The following MTA3 variants were observed in gnomAD, a reference collection of about 807,000 sequenced individuals.
MTA3 encodes metastasis-associated protein MTA3.
Under a neutral mutation model 83.5 loss-of-function variants are expected in MTA3, and 34 were observed. The observed-to-expected ratio is 0.41, with a 90% confidence interval of 0.31 to 0.54. The LOEUF is 0.54. Ranked by LOEUF, MTA3 falls within the 20% of genes least tolerant of loss-of-function variation. The pLI, the probability that MTA3 is intolerant of heterozygous loss-of-function variation, is 0.33. For synonymous variants in MTA3, 303 were observed against 252.7 expected, an observed-to-expected ratio of 1.20 and a Z score of -1.89; for missense variants, 761 against 726.4, an observed-to-expected ratio of 1.05 and a Z score of -0.55.
intron 2 of MTA3, chr2:42,533,492 C>G (rs184061526): frequency 1.0e-4 from 15 of 144,788 alleles, no homozygotes; most frequent in African/African-American, 3.8e-4. Context: ...GATTCTGTTT[C>G]TTTTCCTTTC....
intron 6 of MTA3, among the ~76,000 whole-genome samples, chr2:42,655,649 T>A (rs985191543): frequency 6.6e-6 from 1 of 152,192 alleles, no homozygotes; most frequent in Non-Finnish European, 1.5e-5. Context: ...GTCGCCCAGG[T>A]TGGAGTACAG....
intron 8 of MTA3, among the ~76,000 whole-genome samples, chr2:42,667,478 A>G (rs1253042540): frequency 6.6e-6 from 1 of 151,696 alleles, no homozygotes; most frequent in Admixed American, 6.6e-5. Context: ...TCAGTATCTC[A>G]TAAGTTTTTC....
At position 42,548,816 on chromosome 2, in the gene MTA3, T is replaced by TATATATATATA. The variant is rs1558428165; in HGVS notation, c.-140-21620_-140-21610dup. ...AGACCCTGTCTCAAAAAAAAATATA[T>TATATATATATA]ATATATATATATAATATATATATAT... On this transcript the variant is annotated intron_variant, in intron 2 of 17. Transcript: ENST00000405592. Among the ~76,000 whole-genome samples, 124 of 35,150 alleles carry TATATATATATA rather than the reference T, an allele frequency of 3.5e-3. 9 individuals carry two copies. Among genetic ancestry groups the TATATATATATA allele is most frequent in the South Asian group, 8.4e-3 (8 of 948 alleles). 23.1% of individuals were successfully genotyped at this position (35,150 alleles called of 152,430 possible).
chr2:42,732,328 A>T (rs1668288297), intron 16 of MTA3, among the ~76,000 whole-genome samples: 1 of 152,192 alleles, frequency 6.6e-6, no homozygotes, highest in Admixed American at 6.5e-5. Context: ...CACAGGCTCA[A>T]CACCATGTGG....
Position 42,569,150 on chromosome 2 carries a change from C to T in MTA3, c.28+377C>T, listed in dbSNP as rs531004351. ...CTAGGCGCTGGAGAGGATGAGGGGACATCCCCTCTCCTGCTTCTTCCCCAC... is the reference window on the plus strand; with the variant it reads ...CTAGGCGCTGGAGAGGATGAGGGGATATCCCCTCTCCTGCTTCTTCCCCAC... On this transcript the variant is annotated intron_variant, in intron 1 of 16. Coordinates refer to ENST00000405094, the MANE Select transcript of MTA3 (RefSeq NM_001330442.2). 2.0e-3 allele frequency among the ~76,000 whole-genome samples: 304 copies of T among 151,688 alleles called. 1 individual carries two copies. Among genetic ancestry groups the T allele is most frequent in the Non-Finnish European group, 3.2e-3 (219 of 67,858 alleles).
chr2:42,550,802 G>A (rs1358314534), intron 2 of MTA3, among the ~76,000 whole-genome samples: 1 of 152,138 alleles, frequency 6.6e-6, no homozygotes, highest in Non-Finnish European at 1.5e-5. Flanking sequence ...AGCACTTTGG[G>A]AGGCCAAGGT....
intron 3 of MTA3, among the ~76,000 whole-genome samples, chr2:42,607,254 A>C (rs1683586233): frequency 6.6e-6 from 1 of 152,160 alleles, no homozygotes; most frequent in Admixed American, 6.5e-5. Context: ...TGTAGAGTAG[A>C]GCAAAGCATA....
At chr2:42,711,402 A>C (rs1372394264) in intron 14 of MTA3, among the ~76,000 whole-genome samples, 1 of 152,202 alleles carries the variant, frequency 6.6e-6, no homozygotes, top group African/African-American at 2.4e-5. Context: ...TTATTTCTAT[A>C]AGCATATAGA....
At chr2:42,649,631 A>G (rs1688526585) in intron 6 of MTA3, among the ~76,000 whole-genome samples, 1 of 152,204 alleles carries the variant, frequency 6.6e-6, no homozygotes, top group South Asian at 2.1e-4. Flanking sequence ...AGGAGAGTTT[A>G]AGAAAGAGCA....
chr2:42,722,969 A>G lies in MTA3; in HGVS notation c.1693A>G (p.Thr565Ala). 1 of 1,551,136 alleles carries G rather than the reference A, an allele frequency of 6.4e-7. No homozygotes were observed. The highest frequency in any genetic ancestry group is 8.7e-7 in the Non-Finnish European group (1 of 1,147,128). ...QTPTTKRMLT[T>A]PNHTSLSILG... The stretch of plus-strand genomic sequence containing the variant: ...CCCAACTACCAAGCGGATGCTAACA[A>G]CTCCAAATCACACATCTCTGAGCAT... Residue 565 changes from threonine to alanine, a missense_variant, in exon 16 of 17, where the codon ACT (threonine) becomes GCT (alanine). Thr to Ala is a moderately conservative substitution (Grantham distance 58). Transcript: ENST00000405094.
chr2:42,703,648 T>C (rs1199407019), intron 11 of MTA3: 2 of 152,366 alleles, frequency 1.3e-5, no homozygotes, highest in East Asian at 3.8e-4. Context: ...TCCAGCACTT[T>C]GGGAGGCCGA....
At chr2:42,535,087 G>A (rs1385101909) in intron 2 of MTA3, among the ~76,000 whole-genome samples, 1 of 152,028 alleles carries the variant, frequency 6.6e-6, no homozygotes, top group Non-Finnish European at 1.5e-5. Context: ...GAAAGGGCAA[G>A]GAATAAGACC....
chr2:42,521,440 AAGAC>A lies in MTA3; in HGVS notation c.-141+26189_-141+26192del, dbSNP rs1449225019. Among the ~76,000 whole-genome samples the A allele has an allele frequency of 2.0e-5, 3 of 152,266 alleles. No homozygotes were observed. In the East Asian group the frequency reaches 5.8e-4, roughly 29 times the overall value. ...ACCCAGATTCCTAACCATAGAAACT[AAGAC>A]AGTAATTGTTGTCTTAAGTCATTAA... is the stretch of plus-strand genomic sequence containing the variant. On this transcript the variant is annotated intron_variant, in intron 2 of 17. Coordinates refer to the MTA3 transcript ENST00000405592.
intron 2 of MTA3, among the ~76,000 whole-genome samples, chr2:42,578,256 ATG>A (rs1241758519): frequency 2.0e-5 from 3 of 152,208 alleles, no homozygotes; most frequent in African/African-American, 7.2e-5. Context: ...GAACTTTGTA[ATG>A]AATGATTGAC....
intron 9 of MTA3, among the ~76,000 whole-genome samples, chr2:42,685,699 G>C (rs1368514248): frequency 1.3e-5 from 2 of 152,164 alleles, no homozygotes; most frequent in African/African-American, 4.8e-5. Context: ...TGAAGGGCCA[G>C]TCCATATTAG....
In MTA3 at chr2:42,750,495, G is replaced by GC. The variant is rs530878968; in HGVS notation, c.1760-2878dup. Among the ~76,000 whole-genome samples, 34 of 152,176 alleles carry GC rather than the reference G, an allele frequency of 2.2e-4. No homozygotes were observed. The East Asian group carries it at 4.8e-3, about 22-fold the overall frequency. On this transcript the variant is annotated intron_variant, in intron 16 of 16. Transcript: ENST00000405094. Reference sequence around the variant, plus strand: ...AGTGAAAGCTCTGTGCTTGTTCTTGGCAGAACCTGTAGTGCAGTTCACTGT... The same window carrying GC: ...AGTGAAAGCTCTGTGCTTGTTCTTGGCCAGAACCTGTAGTGCAGTTCACTGT...
chr2:42,647,780 A>G (rs1169466956), intron 6 of MTA3, among the ~76,000 whole-genome samples: 3 of 152,226 alleles, frequency 2.0e-5, no homozygotes, highest in South Asian at 4.1e-4. Context: ...GCATTAAAGC[A>G]TATGCAGAAT....
intron 2 of MTA3, 110 bp downstream of exon 2, chr2:42,570,614 A>C (rs1204224831): frequency 1.8e-6 from 1 of 545,850 alleles, no homozygotes; most frequent in Non-Finnish European, 3.1e-6. Flanking sequence ...AATCCCAGTA[A>C]ATTGGGAGGC....
chr2:42,606,528 T>C lies in MTA3; in HGVS notation c.191-2930T>C, dbSNP rs1473372570. 4.3e-5 allele frequency among the ~76,000 whole-genome samples: 6 copies of C among 139,500 alleles called. 1 individual carries two copies. Among genetic ancestry groups the C allele is most frequent in the South Asian group, 4.8e-4 (2 of 4,192 alleles). 91.5% of individuals were successfully genotyped at this position (139,500 alleles called of 152,430 possible). A position where few individuals can be genotyped will look rare whatever the true frequency, so the allele number is the denominator to read the frequency against. ...CTCACTTCCTAGATGTGATGGCGGC[T>C]GGGAAGAGGCGCTCCTCACTTCCTA... is the stretch of plus-strand genomic sequence containing the variant. On this transcript the variant is annotated intron_variant, in intron 3 of 16. Transcript: ENST00000405094.
Sources: gnomAD v4.1 joint callset for allele counts (sites outside exome capture counted in the v4.1 genomes callset) on GRCh38, gnomAD v4.1.1 for gene constraint, MANE v1.5 for transcripts, NCBI Gene and HGNC (gene_info 2026-07-23, HGNC 2026-07-21) for gene names.